ZC3H12B: variants seen among roughly 807,000 people sequenced by gnomAD.
ZC3H12B encodes the protein zinc finger CCCH-type containing 12B.
In ZC3H12B, 7 loss-of-function variants were observed where a neutral mutation model predicts 43.9. That is an observed-to-expected ratio of 0.16 (90% CI 0.09 to 0.30). The LOEUF is 0.30. ZC3H12B is among the 10% of genes least tolerant of loss of function. ZC3H12B has a pLI of 1.00. For missense variants in ZC3H12B, 475 were observed against 670.2 expected (o/e 0.71, Z 3.22); for synonymous variants, 222 against 241.7 (o/e 0.92, Z 0.76).
At chrX:65,132,186 G>T in the ZC3H12B span, among the ~76,000 whole-genome samples, 2 of 111,706 alleles carry the variant, frequency 1.8e-5, no homozygotes, top group Non-Finnish European at 3.8e-5. Context: ...GGACAAAAGA[G>T]TGTACGGGTT....
At chrX:65,132,148 A>T in the ZC3H12B span, among the ~76,000 whole-genome samples, 2 of 110,971 alleles carry the variant, frequency 1.8e-5, no homozygotes, top group African/African-American at 3.3e-5. Context: ...TCAAGAACGG[A>T]ATAGTGAGTT....
At chrX:65,068,873 G>A in the ZC3H12B span, among the ~76,000 whole-genome samples, 2 of 109,932 alleles carry the variant, frequency 1.8e-5, no homozygotes, top group Admixed American at 1.9e-4. Context: ...TATGCTTGAA[G>A]GATATTTTGG....
At chrX:65,367,200 T>A (rs1318491144) in intron 1 of ZC3H12B, among the ~76,000 whole-genome samples, 1 of 111,785 alleles carries the variant, frequency 8.9e-6, no homozygotes, top group African/African-American at 3.3e-5. Flanking sequence ...AACTGTAGAA[T>A]CAGAAGGGGA....
chrX:65,406,492 A>G (rs2066822927), intron 3 of ZC3H12B, among the ~76,000 whole-genome samples: 1 of 104,490 alleles, frequency 9.6e-6, no homozygotes, highest in Non-Finnish European at 2.0e-5. Context: ...AACAGGGGAT[A>G]GAAAGAACAT....
At chrX:65,495,799 T>G (rs779580397) in intron 1 of ZC3H12B, among the ~76,000 whole-genome samples, 111 of 112,622 alleles carry the variant, frequency 9.9e-4, no homozygotes, top group African/African-American at 3.6e-3. Context: ...TCACAATGTT[T>G]ATTCCTATAA....
chrX:65,225,719 A>G, the ZC3H12B span, among the ~76,000 whole-genome samples: 1 of 112,502 alleles, frequency 8.9e-6, no homozygotes, highest in Non-Finnish European at 1.9e-5. Flanking sequence ...CGAGAACTAC[A>G]TGAAGAATGC....
At chrX:65,411,011 G>A (rs919943091) in intron 3 of ZC3H12B, among the ~76,000 whole-genome samples, 5 of 112,344 alleles carry the variant, frequency 4.5e-5, no homozygotes, top group Non-Finnish European at 9.4e-5. Context: ...GCACTCCCAT[G>A]TTTATGGCAG....
At chrX:65,231,242 A>T in the ZC3H12B span, among the ~76,000 whole-genome samples, 4 of 111,112 alleles carry the variant, frequency 3.6e-5, no homozygotes, top group Non-Finnish European at 5.7e-5. Flanking sequence ...CAGAGATCAC[A>T]TGCTTCAAAG....
chrX:65,423,531 C>T (rs1251164135), intron 3 of ZC3H12B, among the ~76,000 whole-genome samples: 1 of 112,164 alleles, frequency 8.9e-6, no homozygotes, highest in East Asian at 2.8e-4. Context: ...TGTTTCCAGA[C>T]TTTTTAATGA....
At chrX:65,237,886 A>G in the ZC3H12B span, among the ~76,000 whole-genome samples, 1 of 111,688 alleles carries the variant, frequency 9.0e-6, no homozygotes, top group African/African-American at 3.3e-5. Context: ...TGTATGTTGA[A>G]CCAACCTTGC....
the ZC3H12B span, among the ~76,000 whole-genome samples, chrX:65,174,629 G>T: frequency 1.8e-5 from 2 of 112,009 alleles, no homozygotes; most frequent in African/African-American, 3.2e-5. Flanking sequence ...CTGCGCTGTG[G>T]TGAGTTCTGC....
the ZC3H12B span, among the ~76,000 whole-genome samples, chrX:65,168,595 G>C: frequency 9.0e-6 from 1 of 110,988 alleles, no homozygotes; most frequent in Non-Finnish European, 1.9e-5. Context: ...CTATTGTTTG[G>C]AACAGTTTCA....
chrX:65,362,341 T>G (rs1209276716), upstream of ZC3H12B, among the ~76,000 whole-genome samples: 2 of 111,718 alleles, frequency 1.8e-5, no homozygotes, highest in African/African-American at 3.3e-5. Context: ...CCCTAACTGT[T>G]GTGGGTATTG....
At chrX:65,230,616 A>T in the ZC3H12B span, among the ~76,000 whole-genome samples, 1 of 110,344 alleles carries the variant, frequency 9.1e-6, no homozygotes, top group African/African-American at 3.3e-5. Context: ...AGCGCCAAAA[A>T]AAAAAAAAAA....
At chrX:65,275,775 A>T in the ZC3H12B span, among the ~76,000 whole-genome samples, 9 of 112,544 alleles carry the variant, frequency 8.0e-5, no homozygotes, top group Non-Finnish European at 1.1e-4. Context: ...CAACATAGGG[A>T]TACATCAAAC....
chrX:65,152,034 C>T, the ZC3H12B span, among the ~76,000 whole-genome samples: 752 of 111,862 alleles, frequency 6.7e-3, 9 homozygotes, highest in African/African-American at 0.023. Flanking sequence ...TTCAACAGCC[C>T]TTCATGCTAA....
the ZC3H12B span, among the ~76,000 whole-genome samples, chrX:65,149,372 T>C: frequency 0.14 from 16,064 of 111,787 alleles, 2,746 homozygotes; most frequent in African/African-American, 0.49. Flanking sequence ...TATATAAAAA[T>C]GTGAATAACA....
At chrX:65,279,051 G>A in the ZC3H12B span, among the ~76,000 whole-genome samples, 1 of 110,776 alleles carries the variant, frequency 9.0e-6, no homozygotes, top group African/African-American at 3.3e-5. Flanking sequence ...TCATTGATGG[G>A]CATTTAGATT....
chrX:65,318,581 G>A, the ZC3H12B span, among the ~76,000 whole-genome samples: 4 of 109,913 alleles, frequency 3.6e-5, no homozygotes, highest in African/African-American at 9.9e-5. Flanking sequence ...CACCACACCC[G>A]ACTAATTTTT....
Sources: allele counts gnomAD v4.1 joint callset (sites outside exome capture counted in the v4.1 genomes callset), GRCh38; gene constraint gnomAD v4.1.1; transcripts MANE v1.5; gene names NCBI Gene and HGNC (gene_info 2026-07-23, HGNC 2026-07-21).